The following FSTL5 variants were observed in gnomAD, a reference collection of about 807,000 sequenced individuals.
The protein encoded by FSTL5 is follistatin-related protein 5.
In FSTL5, 62 loss-of-function variants were observed where a neutral mutation model predicts 89.1. That is an observed-to-expected ratio of 0.70 (90% confidence interval 0.57 to 0.86). FSTL5 has a LOEUF of 0.86. Ranked by LOEUF, FSTL5 falls within the 40% of genes least tolerant of loss-of-function variation. The pLI, the probability that FSTL5 is intolerant of heterozygous loss-of-function variation, is 0.00. For missense variants in FSTL5, 1,057 were observed against 1,001.6 expected (o/e 1.06, Z -0.75); for synonymous variants, 383 against 346.2 (o/e 1.11, Z -1.18).
intron 6 of FSTL5, among the ~76,000 whole-genome samples, chr4:161,689,122 G>A (rs1316268133): frequency 4.6e-5 from 7 of 152,284 alleles, no homozygotes; most frequent in Admixed American, 6.5e-5. Context: ...ACTATGGAAA[G>A]AGGGAGGTAC....
intron 6 of FSTL5, among the ~76,000 whole-genome samples, chr4:161,689,840 C>T (rs1194461223): frequency 6.6e-6 from 1 of 152,096 alleles, no homozygotes; most frequent in Admixed American, 6.6e-5. Flanking sequence ...AACTACTAAT[C>T]AGCTTTATGT....
At chr4:161,978,533 G>T (rs1735728610) in intron 3 of FSTL5, among the ~76,000 whole-genome samples, 1 of 151,910 alleles carries the variant, frequency 6.6e-6, no homozygotes, top group Admixed American at 6.6e-5. Flanking sequence ...CAATTTATTT[G>T]AAAATAAGCT....
At chr4:161,821,224 CA>C (rs2126850340) in intron 4 of FSTL5, among the ~76,000 whole-genome samples, 1 of 151,884 alleles carries the variant, frequency 6.6e-6, no homozygotes, top group African/African-American at 2.4e-5. Flanking sequence ...TTTTTGTAGA[CA>C]AGGGGTTTCA....
intron 2 of FSTL5, among the ~76,000 whole-genome samples, chr4:162,062,215 C>A (rs1738739747): frequency 6.6e-6 from 1 of 151,730 alleles, no homozygotes; most frequent in Admixed American, 6.6e-5. Context: ...AAAATAAAAA[C>A]CAAGTTTGTA....
intron 1 of FSTL5, among the ~76,000 whole-genome samples, chr4:162,130,264 A>G (rs1732244792): frequency 6.6e-6 from 1 of 152,206 alleles, no homozygotes; most frequent in Non-Finnish European, 1.5e-5. Context: ...GTTTAGTAAT[A>G]CAGTGTTAAA....
At chr4:161,765,112 A>G (rs772201825) in intron 5 of FSTL5, among the ~76,000 whole-genome samples, 139 of 152,188 alleles carry the variant, frequency 9.1e-4, no homozygotes, top group Non-Finnish European at 1.7e-3. Flanking sequence ...TGGCATTGAC[A>G]ATGTCATTCT....
At chr4:161,708,684 C>A (rs965315216) in intron 6 of FSTL5, among the ~76,000 whole-genome samples, 4 of 151,780 alleles carry the variant, frequency 2.6e-5, no homozygotes, top group African/African-American at 9.7e-5. Flanking sequence ...GACTTTGTTG[C>A]GTGATGTTTT....
At chr4:161,674,797 G>C (rs969930288) in intron 6 of FSTL5, among the ~76,000 whole-genome samples, 2 of 152,166 alleles carry the variant, frequency 1.3e-5, no homozygotes, top group Non-Finnish European at 2.9e-5. Flanking sequence ...AAATGAAGAA[G>C]ATGCTTTTCA....
intron 4 of FSTL5, among the ~76,000 whole-genome samples, chr4:161,798,419 T>A: frequency 6.6e-6 from 1 of 151,640 alleles, no homozygotes; most frequent in African/African-American, 2.4e-5. Context: ...AGACTTTTTG[T>A]TAGTTTAGGA....
chr4:161,513,632 C>T (rs1164926302), intron 10 of FSTL5, among the ~76,000 whole-genome samples: 4 of 152,082 alleles, frequency 2.6e-5, no homozygotes, highest in African/African-American at 9.7e-5. Flanking sequence ...ATGTGGAATA[C>T]ATACACCATG....
At chr4:161,907,015 T>C (rs574282334) in intron 4 of FSTL5, among the ~76,000 whole-genome samples, 1 of 152,258 alleles carries the variant, frequency 6.6e-6, no homozygotes, top group South Asian at 2.1e-4. Flanking sequence ...ATTTTTGAGC[T>C]ACAGAGATTG....
chr4:161,572,650 T>G (rs975011325), intron 8 of FSTL5, among the ~76,000 whole-genome samples: 2 of 152,158 alleles, frequency 1.3e-5, no homozygotes, highest in Non-Finnish European at 2.9e-5. Flanking sequence ...TTTTAAAGCT[T>G]ATAATTTCTA....
chr4:161,442,143 A>C (rs1732792302), intron 15 of FSTL5, among the ~76,000 whole-genome samples: 1 of 98,286 alleles, frequency 1.0e-5, no homozygotes, highest in Admixed American at 1.4e-4. Context: ...TCACTCTATA[A>C]AAGGTTTTTT....
chr4:161,576,665 C>A (rs1733219222), intron 8 of FSTL5, among the ~76,000 whole-genome samples: 1 of 152,086 alleles, frequency 6.6e-6, no homozygotes, highest in Non-Finnish European at 1.5e-5. Context: ...TTAGACTCTC[C>A]TTTTTCAAAT....
intron 11 of FSTL5, among the ~76,000 whole-genome samples, chr4:161,504,471 C>T (rs72683741): frequency 2.1e-5 from 3 of 142,014 alleles, no homozygotes; most frequent in African/African-American, 8.0e-5. Context: ...GATTGTTTTT[C>T]GTTTTTGTTT....
intron 6 of FSTL5, among the ~76,000 whole-genome samples, chr4:161,753,966 C>T (rs139601208): frequency 0.14 from 19,868 of 143,428 alleles, 2,626 homozygotes; most frequent in African/African-American, 0.35. Context: ...GGTGTGAACC[C>T]GGGAGGCGGA....
intron 13 of FSTL5, among the ~76,000 whole-genome samples, chr4:161,474,521 A>G (rs1323204462): frequency 6.7e-6 from 1 of 149,380 alleles, no homozygotes; most frequent in East Asian, 2.0e-4. Context: ...ATTTCTTCAC[A>G]TGACTTCAAG....
chr4:161,686,067 C>T (rs550265603), intron 6 of FSTL5, among the ~76,000 whole-genome samples: 60 of 151,378 alleles, frequency 4.0e-4, no homozygotes, highest in Admixed American at 8.6e-4. Flanking sequence ...TATTGACTTG[C>T]GTATGTGAAA....
intron 3 of FSTL5, among the ~76,000 whole-genome samples, chr4:161,976,783 G>C (rs534122557): frequency 2.6e-5 from 4 of 151,820 alleles, no homozygotes; most frequent in Admixed American, 6.6e-5. Context: ...GCCTGGCCAG[G>C]TGCAGTTAGG....
Sources: gnomAD v4.1 joint callset for allele counts (sites outside exome capture counted in the v4.1 genomes callset) on GRCh38, gnomAD v4.1.1 for gene constraint, MANE v1.5 for transcripts, NCBI Gene and HGNC (gene_info 2026-07-23, HGNC 2026-07-21) for gene names.